CNTNAP2: variants seen among roughly 807,000 people sequenced by gnomAD.
CNTNAP2 encodes contactin-associated protein-like 2.
In CNTNAP2, 98 loss-of-function variants were observed where a neutral mutation model predicts 155.2. The observed-to-expected ratio is 0.63, with a 90% CI of 0.54 to 0.75. The LOEUF (loss-of-function observed/expected upper bound fraction) is 0.75, where lower values mean the gene tolerates loss of function less well. Ranked by LOEUF, CNTNAP2 falls within the 30% of genes least tolerant of loss-of-function variation. CNTNAP2 has a pLI of 0.00. For synonymous variants in CNTNAP2, 651 were observed against 631.2 expected (o/e 1.03, Z -0.47); for missense variants, 1,727 against 1,688.1 (o/e 1.02, Z -0.40).
At chr7:146,901,870 CTTTTTTT>C (rs71165048) in intron 3 of CNTNAP2, among the ~76,000 whole-genome samples, 10 of 88,222 alleles carry the variant, frequency 1.1e-4, no homozygotes, top group South Asian at 4.5e-4. Context: ...ATATATGCTC[CTTTTTTT>C]TTTTTTTTTT....
intron 14 of CNTNAP2, among the ~76,000 whole-genome samples, chr7:147,976,688 G>T (rs900888089): frequency 2.0e-5 from 3 of 152,102 alleles, no homozygotes; most frequent in Non-Finnish European, 4.4e-5. Context: ...ATTCAAGAAG[G>T]TCAGAGGTAC....
intron 1 of CNTNAP2, among the ~76,000 whole-genome samples, chr7:146,508,270 C>T (rs968825009): frequency 6.6e-6 from 1 of 152,142 alleles, no homozygotes; most frequent in African/African-American, 2.4e-5. Flanking sequence ...ATACGTATGT[C>T]CACCCGATAA....
chr7:146,390,614 TA>T (rs1468113720), intron 1 of CNTNAP2, among the ~76,000 whole-genome samples: 3 of 149,950 alleles, frequency 2.0e-5, no homozygotes, highest in African/African-American at 4.9e-5. Context: ...TAAAAATATA[TA>T]TTTTTTTCAT....
intron 15 of CNTNAP2, among the ~76,000 whole-genome samples, chr7:148,047,376 T>G (rs1802792994): frequency 6.6e-6 from 1 of 152,194 alleles, no homozygotes; most frequent in Non-Finnish European, 1.5e-5. Flanking sequence ...TTTGATTCAT[T>G]AACACTGAAC....
In CNTNAP2 at chr7:147,149,667, GTAGA is replaced by G. The variant is rs1202700458; in HGVS notation, c.1348+17164_1348+17167del. On this transcript the variant is annotated intron_variant, in intron 8 of 23. Transcript: ENST00000361727. The stretch of plus-strand genomic sequence containing the variant: ...GATAGATAGATGGATGGATAGATAG[GTAGA>G]TAGATCTCTATCTACTGTGTGGATA... Among the ~76,000 whole-genome samples, 6 of 152,090 alleles carry G rather than the reference GTAGA, an allele frequency of 3.9e-5. 1 individual carries two copies. In the East Asian group the frequency reaches 9.6e-4, roughly 24 times the overall value.
intron 13 of CNTNAP2, among the ~76,000 whole-genome samples, chr7:147,859,068 C>T (rs1312573362): frequency 6.6e-6 from 1 of 152,098 alleles, no homozygotes; most frequent in Non-Finnish European, 1.5e-5. Flanking sequence ...GAATGTCCTC[C>T]CGCTTCTCAA....
At chr7:147,653,806 T>C (rs569837887) in intron 13 of CNTNAP2, among the ~76,000 whole-genome samples, 1 of 152,372 alleles carries the variant, frequency 6.6e-6, no homozygotes, top group South Asian at 2.1e-4. Context: ...GTTACTTTAG[T>C]TGGCTCAAAT....
chr7:147,374,067 A>C (rs570410977), intron 9 of CNTNAP2, among the ~76,000 whole-genome samples: 6 of 152,116 alleles, frequency 3.9e-5, no homozygotes, highest in Non-Finnish European at 7.4e-5. Flanking sequence ...AATAAAACTC[A>C]TTCACAGAGA....
At chr7:146,576,961 A>G (rs1377573641) in intron 1 of CNTNAP2, among the ~76,000 whole-genome samples, 2 of 152,182 alleles carry the variant, frequency 1.3e-5, no homozygotes, top group Non-Finnish European at 2.9e-5. Context: ...CATCATTACA[A>G]TCAGGCTTTC....
chr7:147,403,962 C>A (rs931605047), intron 10 of CNTNAP2, among the ~76,000 whole-genome samples: 1 of 152,068 alleles, frequency 6.6e-6, no homozygotes, highest in Non-Finnish European at 1.5e-5. Context: ...CCAGGTTGAC[C>A]ATCTCCTTCT....
At chr7:147,546,338 T>G in intron 11 of CNTNAP2, among the ~76,000 whole-genome samples, 1 of 152,302 alleles carries the variant, frequency 6.6e-6, no homozygotes, top group Non-Finnish European at 1.5e-5. Context: ...AAAATGGAAC[T>G]ATTAATAATT....
At chr7:146,422,055 G>T (rs901801421) in intron 1 of CNTNAP2, among the ~76,000 whole-genome samples, 1 of 151,058 alleles carries the variant, frequency 6.6e-6, no homozygotes, top group African/African-American at 2.4e-5. Context: ...TTTTTTTTTA[G>T]TATTTTCACA....
intron 3 of CNTNAP2, among the ~76,000 whole-genome samples, chr7:146,872,906 T>C (rs1225605365): frequency 1.3e-5 from 2 of 152,164 alleles, no homozygotes; most frequent in Admixed American, 6.5e-5. Context: ...CCAATGTTTA[T>C]CGTTATTCCA....
chr7:147,457,812 A>G (rs529973392), intron 10 of CNTNAP2, among the ~76,000 whole-genome samples: 8 of 149,824 alleles, frequency 5.3e-5, no homozygotes, highest in African/African-American at 1.2e-4. Flanking sequence ...AGCAATATCT[A>G]TGCTACATAG....
intron 1 of CNTNAP2, among the ~76,000 whole-genome samples, chr7:146,519,341 C>T (rs1797584750): frequency 6.6e-6 from 1 of 151,796 alleles, no homozygotes; most frequent in Non-Finnish European, 1.5e-5. Flanking sequence ...GAAGAGGGAA[C>T]AGATGAGGGA....
intron 3 of CNTNAP2, among the ~76,000 whole-genome samples, chr7:146,996,261 A>G (rs1424721784): frequency 6.6e-6 from 1 of 152,012 alleles, no homozygotes; most frequent in African/African-American, 2.4e-5. Context: ...GAAGAATGTC[A>G]TTGGTCCTTT....
chr7:146,978,723 T>G lies in CNTNAP2; in HGVS notation c.403-65184T>G, dbSNP rs943355052. ...ATCATATATATATAATATATATATT[T>G]AACTCTCCTCTTGCTACTTTACTAA... On this transcript the variant is annotated intron_variant, in intron 3 of 23. Transcript: ENST00000361727. Among the ~76,000 whole-genome samples the G allele has an allele frequency of 3.3e-5, 5 of 151,350 alleles. No homozygotes were observed. The East Asian group carries it at 9.7e-4, about 29-fold the overall frequency.
chr7:147,670,378 A>T (rs1375470333), intron 13 of CNTNAP2, among the ~76,000 whole-genome samples: 1 of 152,152 alleles, frequency 6.6e-6, no homozygotes, highest in Non-Finnish European at 1.5e-5. Flanking sequence ...AAAAGGGTGG[A>T]TCCCCAACAA....
Position 148,172,474 on chromosome 7 carries a change from C to T in CNTNAP2, c.3006C>T (p.Asn1002=), listed in dbSNP as rs1253319324. ...CTGCATATGATGGAACATTTTGCAA[C>T]AAAGGTAAGGTGGAACCCATTTCCA... ...SNTAYDGTFC[N]KDVGAFFEEG... Residue 1002 remains asparagine (N), a synonymous_variant, in exon 18 of 24, where the codon AAC becomes AAT. Coordinates refer to ENST00000361727, the MANE Select transcript of CNTNAP2 (RefSeq NM_014141.6). The T allele has an allele frequency of 2.5e-6, 4 of 1,613,900 alleles. No homozygotes were observed. In the Admixed American group the frequency reaches 5.0e-5, roughly 20 times the overall value.
Sources: gnomAD v4.1 joint callset for allele counts (sites outside exome capture counted in the v4.1 genomes callset) on GRCh38, gnomAD v4.1.1 for gene constraint, MANE v1.5 for transcripts, NCBI Gene and HGNC (gene_info 2026-07-23, HGNC 2026-07-21) for gene names.